Variants in UFM1 observed in about 807,000 individuals in gnomAD.
UFM1 encodes ubiquitin-fold modifier 1.
Under a neutral mutation model 15.4 loss-of-function variants are expected in UFM1, and 9 were observed. That is an observed-to-expected ratio of 0.59 (90% confidence interval 0.35 to 1.02). The LOEUF is 1.02. UFM1 is among the 50% of genes least tolerant of loss of function. UFM1 has a pLI of 0.02. For synonymous variants in UFM1, 27 were observed against 36.3 expected (o/e 0.74, Z 0.92); for missense variants, 98 against 104.7 (o/e 0.94, Z 0.28).
rs1439062941 is a variant in UFM1, at chr13:38,363,471, C to T, written c.*2693C>T. ...ATTCAGTGATACATAACAGTACTTG[C>T]AAATGCCTGTCCATTTTACAGACGG... On this transcript the variant is annotated 3_prime_UTR_variant, in exon 6 of 6. Coordinates refer to ENST00000239878, the MANE Select transcript of UFM1 (RefSeq NM_016617.4). 3 of 144,514 alleles carry T rather than the reference C, an allele frequency of 2.1e-5. No homozygotes were observed. The highest frequency in any genetic ancestry group is 4.5e-5 in the Non-Finnish European group (3 of 66,794). 9.0% of individuals were successfully genotyped at this position (144,514 alleles called of 1,614,324 possible).
At chr13:38,350,286 G>C (rs1334480874) in intron 2 of UFM1, 5 of 1,521,184 alleles carry the variant, frequency 3.3e-6, no homozygotes, top group Non-Finnish European at 4.5e-6. Context: ...GAGGGTGTGG[G>C]TGTGTTTCTG....
chr13:38,354,434 T>C (rs571531309), intron 3 of UFM1, 138 bp downstream of exon 3: 1 of 578,658 alleles, frequency 1.7e-6, no homozygotes, highest in South Asian at 4.8e-5. Flanking sequence ...AAAAGTAGGA[T>C]GATAGTTAAG....
chr13:38,354,822 G>A (rs1164119867), intron 3 of UFM1: 2 of 151,842 alleles, frequency 1.3e-5, no homozygotes, highest in Admixed American at 6.6e-5. Flanking sequence ...TATCTATAAT[G>A]CAACTTTTTG....
chr13:38,350,852 A>G (rs1222225212), intron 2 of UFM1, among the ~76,000 whole-genome samples: 3 of 152,084 alleles, frequency 2.0e-5, no homozygotes, highest in African/African-American at 4.8e-5. Flanking sequence ...GATCCGTACA[A>G]CCTCTCAGCC....
rs1259411434 is a variant in UFM1 at position 38,360,946 on chromosome 13, G to C, written c.*168G>C. 3.8e-6 allele frequency: 2 copies of C among 524,814 alleles called. No homozygotes were observed. The highest frequency in any genetic ancestry group is 6.7e-6 in the Non-Finnish European group (2 of 296,434). The allele number at this position is 524,814 out of a possible 1,614,324, so 32.5% of individuals were successfully genotyped here. A position where few individuals can be genotyped will look rare whatever the true frequency, so the allele number is the denominator to read the frequency against. ...TTGTTGTCCATACTCTTCCTATGAA[G>C]AGGGAATGCGTATGAATTAAGGCTA... On this transcript the variant is annotated 3_prime_UTR_variant, in exon 6 of 6. Coordinates refer to ENST00000239878, the MANE Select transcript of UFM1 (RefSeq NM_016617.4).
intron 2 of UFM1, chr13:38,350,357 C>G: frequency 1.0e-6 from 1 of 965,038 alleles, no homozygotes; most frequent in South Asian, 1.5e-5. Context: ...ACAGGTGGAC[C>G]AGGTTCTGGT....
chr13:38,360,462 T>G (rs2140063106), intron 5 of UFM1, among the ~76,000 whole-genome samples: 2 of 152,184 alleles, frequency 1.3e-5, no homozygotes, highest in South Asian at 4.1e-4. Flanking sequence ...TTATTCACAG[T>G]TACTTGATGA....
rs1257368966 is a variant in UFM1 at position 38,355,326 on chromosome 13, T to C, written c.117+1030T>C. ...CTAGTAGCATTTGTTTTGTGTCTGA[T>C]AGATTCTTCATGCAGAAAGAATAAG... On this transcript the variant is annotated intron_variant, in intron 3 of 5. Transcript: ENST00000239878. Among the ~76,000 whole-genome samples the C allele has an allele frequency of 3.3e-5, 5 of 151,978 alleles. No homozygotes were observed. The East Asian group carries it at 9.6e-4, about 29-fold the overall frequency.
At chr13:38,355,196 T>C (rs1229920503) in intron 3 of UFM1, among the ~76,000 whole-genome samples, 1 of 152,032 alleles carries the variant, frequency 6.6e-6, no homozygotes, top group African/African-American at 2.4e-5. Flanking sequence ...TGCCCTGTAC[T>C]TCACTGATTT....
In UFM1 at chr13:38,362,638, C is replaced by A. The variant is rs1879468337; in HGVS notation, c.*1860C>A. ...AAACAAAATCTGATGTTCAGAGGCC[C>A]CGTTTCTTACAATAAATGTTGAGTC... On this transcript the variant is annotated 3_prime_UTR_variant, in exon 6 of 6. Coordinates refer to ENST00000239878, the MANE Select transcript of UFM1 (RefSeq NM_016617.4). 6.6e-6 allele frequency: 1 copy of A among 151,454 alleles called. No homozygotes were observed. The highest frequency in any genetic ancestry group is 1.9e-4 in the East Asian group (1 of 5,172). The allele number at this position is 151,454 out of a possible 1,614,324, so 9.4% of individuals were successfully genotyped here. A position where few individuals can be genotyped will look rare whatever the true frequency, so the allele number is the denominator to read the frequency against.
intron 3 of UFM1, 79 bp downstream of exon 3, chr13:38,354,375 C>A: frequency 7.9e-7 from 1 of 1,268,062 alleles, no homozygotes. Flanking sequence ...GTTGCATGCA[C>A]TTTGACCCAT....
chr13:38,357,836 T>G (rs940926261), intron 3 of UFM1, among the ~76,000 whole-genome samples: 1 of 151,866 alleles, frequency 6.6e-6, no homozygotes, highest in Non-Finnish European at 1.5e-5. Flanking sequence ...CCTTGTCTTG[T>G]GTTGAATATA....
chr13:38,360,059 A>G, intron 5 of UFM1: 1 of 400,250 alleles, frequency 2.5e-6, no homozygotes, highest in Non-Finnish European at 5.0e-6. Context: ...GTTGAAATTC[A>G]GCCATAAAGA....
intron 3 of UFM1, among the ~76,000 whole-genome samples, chr13:38,356,186 A>G (rs982457752): frequency 6.6e-6 from 1 of 151,868 alleles, no homozygotes; most frequent in Non-Finnish European, 1.5e-5. Flanking sequence ...TGTGTCAGCA[A>G]TTGCTTTTGG....
intron 2 of UFM1, 199 bp downstream of exon 2, chr13:38,350,254 C>T (rs1193626115): frequency 6.3e-6 from 10 of 1,579,892 alleles, no homozygotes; most frequent in Non-Finnish European, 6.0e-6. Context: ...TAAGTGTCAG[C>T]TTGGCAGCTT....
chr13:38,354,249 C>T lies in UFM1; in HGVS notation c.70C>T (p.Pro24Ser), dbSNP rs1878990857. Residue 24 changes from proline (P) to serine (S), a missense_variant, in exon 3 of 6, where the codon CCT (proline) becomes TCT (serine). Pro to Ser is a moderately conservative substitution (Grantham distance 74, BLOSUM62 -1). Transcript: ENST00000239878. Reference sequence around the variant, plus strand: ...AAATTCTTCTTGCAGACTCAGTGTTCCTGAAAGTACACCTTTCACAGCAGT... The same window carrying T: ...AAATTCTTCTTGCAGACTCAGTGTTTCTGAAAGTACACCTTTCACAGCAGT... ...PRLPYKVLSV[P>S]ESTPFTAVLK... 6.2e-7 allele frequency: 1 copy of T among 1,608,648 alleles called. No homozygotes were observed. The highest frequency in any genetic ancestry group is 8.5e-7 in the Non-Finnish European group (1 of 1,176,494).
intron 3 of UFM1, among the ~76,000 whole-genome samples, chr13:38,355,813 G>A (rs1417735122): frequency 6.6e-6 from 1 of 151,676 alleles, no homozygotes; most frequent in Non-Finnish European, 1.5e-5. Context: ...GTTGTGAGAG[G>A]GGCTTTCACA....
chr13:38,351,477 A>G (rs563121968), intron 2 of UFM1, among the ~76,000 whole-genome samples: 1 of 152,196 alleles, frequency 6.6e-6, no homozygotes, highest in Non-Finnish European at 1.5e-5. Flanking sequence ...CTTTACACCA[A>G]TGTAAACCTA....
intron 2 of UFM1, among the ~76,000 whole-genome samples, chr13:38,353,635 C>T (rs1878962741): frequency 6.6e-6 from 1 of 152,012 alleles, no homozygotes; most frequent in African/African-American, 2.4e-5. Context: ...TGTTATTTCA[C>T]ATTTTACTTA....
Sources: allele counts gnomAD v4.1 joint callset (sites outside exome capture counted in the v4.1 genomes callset), GRCh38; gene constraint gnomAD v4.1.1; transcripts MANE v1.5; gene names NCBI Gene and HGNC (gene_info 2026-07-23, HGNC 2026-07-21).